RNF121: variants seen among roughly 807,000 people sequenced by gnomAD.
RNF121 encodes the protein ring finger protein 121, also known as E3 ubiquitin ligase RNF121.
A neutral mutation model predicts 46.5 loss-of-function variants in RNF121; 21 were observed. The observed-to-expected ratio is 0.45, with a 90% CI of 0.32 to 0.65. RNF121 has a LOEUF of 0.65. Ranked by LOEUF, RNF121 falls within the 30% of genes least tolerant of loss-of-function variation. RNF121 has a pLI of 0.04. For synonymous variants in RNF121, 139 were observed against 144.7 expected (o/e 0.96, Z 0.28); for missense variants, 346 against 416.0 (o/e 0.83, Z 1.46).
intron 1 of RNF121, among the ~76,000 whole-genome samples, chr11:71,931,571 A>G (rs769546847): frequency 2.6e-5 from 4 of 152,212 alleles, no homozygotes; most frequent in Non-Finnish European, 4.4e-5. Context: ...TATGGGGTCT[A>G]CTGTGTGTTA....
At chr11:71,963,020 ATGTT>A (rs1954175563) in intron 3 of RNF121, among the ~76,000 whole-genome samples, 3 of 152,088 alleles carry the variant, frequency 2.0e-5, no homozygotes, top group Admixed American at 1.3e-4. Flanking sequence ...CCTTAGAGAA[ATGTT>A]TGTTTAAGTC....
intron 3 of RNF121, among the ~76,000 whole-genome samples, chr11:71,982,116 C>T (rs551100987): frequency 1.6e-4 from 24 of 151,902 alleles, no homozygotes; most frequent in African/African-American, 3.1e-4. Context: ...AATAGTAGGT[C>T]GGGGCCATAC....
chr11:71,954,623 T>C (rs186664021), intron 1 of RNF121, among the ~76,000 whole-genome samples: 1 of 152,332 alleles, frequency 6.6e-6, no homozygotes, highest in Admixed American at 6.5e-5. Context: ...ATTTTCTAGA[T>C]GGAGAAACTA....
At chr11:71,985,429 T>C (rs1249780976) in intron 4 of RNF121, among the ~76,000 whole-genome samples, 1 of 152,172 alleles carries the variant, frequency 6.6e-6, no homozygotes, top group Non-Finnish European at 1.5e-5. Context: ...ACTTAATCCA[T>C]ATTGAGTTTT....
chr11:71,968,079 T>TA, intron 3 of RNF121, among the ~76,000 whole-genome samples: 1 of 151,770 alleles, frequency 6.6e-6, no homozygotes, highest in African/African-American at 2.4e-5. Context: ...TTTTTTTTTT[T>TA]AAGATGAAGT....
intron 1 of RNF121, among the ~76,000 whole-genome samples, chr11:71,945,994 C>A (rs551561630): frequency 1.3e-5 from 2 of 152,024 alleles, no homozygotes; most frequent in East Asian, 3.9e-4. Context: ...TTCTGTAGTC[C>A]CTGCTACTCG....
At chr11:71,931,170 T>G (rs1302084575) in intron 1 of RNF121, among the ~76,000 whole-genome samples, 1 of 152,204 alleles carries the variant, frequency 6.6e-6, no homozygotes, top group Non-Finnish European at 1.5e-5. Flanking sequence ...ATGTTTGATT[T>G]TTGTTTCTTA....
intron 1 of RNF121, among the ~76,000 whole-genome samples, chr11:71,956,774 T>A (rs936267375): frequency 6.6e-6 from 1 of 152,214 alleles, no homozygotes; most frequent in Non-Finnish European, 1.5e-5. Flanking sequence ...TTGCCTGGAA[T>A]GTATTTCTCT....
intron 1 of RNF121, among the ~76,000 whole-genome samples, chr11:71,933,630 G>A (rs751379205): frequency 2.0e-4 from 31 of 152,148 alleles, no homozygotes; most frequent in Non-Finnish European, 3.8e-4. Context: ...CACTGATTGG[G>A]TGACCCCACT....
At chr11:71,964,477 T>C (rs1306264358) in intron 3 of RNF121, among the ~76,000 whole-genome samples, 1 of 152,016 alleles carries the variant, frequency 6.6e-6, no homozygotes, top group Admixed American at 6.6e-5. Context: ...GGATACCTTT[T>C]TTTTTCCTGA....
At chr11:71,929,500 G>A (rs1204092805) in intron 1 of RNF121, among the ~76,000 whole-genome samples, 1 of 152,126 alleles carries the variant, frequency 6.6e-6, no homozygotes, top group Non-Finnish European at 1.5e-5. Context: ...TACTGTGGGA[G>A]AGGACTCTGT....
chr11:71,956,262 A>G (rs1953989982), intron 1 of RNF121, among the ~76,000 whole-genome samples: 1 of 152,180 alleles, frequency 6.6e-6, no homozygotes, highest in Non-Finnish European at 1.5e-5. Context: ...ATCAAAGAAC[A>G]TTTTCAGCTC....
intron 1 of RNF121, 45 bp downstream of exon 1, chr11:71,929,169 G>A (rs1021771843): frequency 2.8e-5 from 43 of 1,539,098 alleles, no homozygotes; most frequent in Middle Eastern, 3.4e-4. Context: ...CTGAGACTGA[G>A]GGGAGGGGCA....
chr11:71,991,716 T>C (rs1954865587), intron 6 of RNF121, among the ~76,000 whole-genome samples: 1 of 152,258 alleles, frequency 6.6e-6, no homozygotes, highest in South Asian at 2.1e-4. Flanking sequence ...GTGGGTGTTT[T>C]TGAGGAACTA....
chr11:71,976,411 A>G (rs894303826), intron 3 of RNF121, among the ~76,000 whole-genome samples: 7 of 122,674 alleles, frequency 5.7e-5, no homozygotes, highest in Non-Finnish European at 9.4e-5. Context: ...GCTGGAGTGC[A>G]GTGGCACAAT....
intron 3 of RNF121, among the ~76,000 whole-genome samples, chr11:71,972,025 A>AT (rs1350255177): frequency 1.3e-5 from 2 of 152,238 alleles, no homozygotes; most frequent in Non-Finnish European, 2.9e-5. Flanking sequence ...TGACGGATGC[A>AT]TATCATGAAA....
chr11:71,979,265 G>A (rs893764707), intron 3 of RNF121, among the ~76,000 whole-genome samples: 4 of 152,140 alleles, frequency 2.6e-5, no homozygotes, highest in African/African-American at 7.2e-5. Context: ...AAGAAAGGAC[G>A]GAGGACCTCC....
intron 4 of RNF121, among the ~76,000 whole-genome samples, chr11:71,985,064 G>A (rs1954746599): frequency 1.3e-5 from 2 of 152,080 alleles, no homozygotes; most frequent in African/African-American, 4.8e-5. Context: ...TGGGACTACA[G>A]GCATGCTCCA....
intron 3 of RNF121, among the ~76,000 whole-genome samples, chr11:71,975,523 G>A (rs1225466467): frequency 6.6e-6 from 1 of 152,320 alleles, no homozygotes; most frequent in African/African-American, 2.4e-5. Context: ...TCCACTTTGA[G>A]TGGAGTGCCT....
Sources: allele counts gnomAD v4.1 joint callset (sites outside exome capture counted in the v4.1 genomes callset), GRCh38; gene constraint gnomAD v4.1.1; transcripts MANE v1.5; gene names NCBI Gene and HGNC (gene_info 2026-07-23, HGNC 2026-07-21).